TENM2: variants seen among roughly 807,000 people sequenced by gnomAD.
The protein encoded by TENM2 is teneurin transmembrane protein 2, also known as teneurin-2.
Under a neutral mutation model 245.2 loss-of-function variants are expected in TENM2, and 52 were observed. The observed-to-expected ratio is 0.21, with a 90% CI of 0.17 to 0.27. The LOEUF (loss-of-function observed/expected upper bound fraction) is 0.27, where lower values mean the gene tolerates loss of function less well. Among genes scored for constraint, TENM2 ranks in the 10% least tolerant of loss-of-function variants. TENM2 has a pLI of 1.00. For synonymous variants in TENM2, 1,363 were observed against 1,438.9 expected (o/e 0.95, Z 1.19); for missense variants, 3,046 against 3,666.8 (o/e 0.83, Z 4.37).
chr5:167,549,580 A>G (rs1772797473), intron 2 of TENM2, among the ~76,000 whole-genome samples: 1 of 152,116 alleles, frequency 6.6e-6, no homozygotes, highest in Non-Finnish European at 1.5e-5. Flanking sequence ...AACAATGAGG[A>G]CCTAAAGTGT....
chr5:167,563,826 C>T (rs1773738586), intron 2 of TENM2, among the ~76,000 whole-genome samples: 1 of 152,176 alleles, frequency 6.6e-6, no homozygotes, highest in Non-Finnish European at 1.5e-5. Flanking sequence ...AGGACAGTAA[C>T]ATGCTGTACC....
Position 167,402,263 on chromosome 5 carries a change from T to A in TENM2, c.502+26790T>A, listed in dbSNP as rs183545197. On this transcript the variant is annotated intron_variant, in intron 2 of 28. Transcript: ENST00000518659. Reference sequence around the variant, plus strand: ...TGTTGTGGGATTATATAAGCTAATGTATTATATGAGCACTGCATCTTCCTT... The same window carrying A: ...TGTTGTGGGATTATATAAGCTAATGAATTATATGAGCACTGCATCTTCCTT... 1.8e-4 allele frequency among the ~76,000 whole-genome samples: 27 copies of A among 152,286 alleles called. 1 individual carries two copies. The highest frequency in any genetic ancestry group is 6.5e-4 in the African/African-American group (27 of 41,578).
chr5:167,228,943 G>T, the TENM2 span, among the ~76,000 whole-genome samples: 2 of 152,026 alleles, frequency 1.3e-5, no homozygotes, highest in East Asian at 3.9e-4. Context: ...CTTGTGATCC[G>T]CCCACCTCGC....
At chr5:167,297,238 G>A (rs1190895043) in intron 1 of TENM2, among the ~76,000 whole-genome samples, 2 of 152,146 alleles carry the variant, frequency 1.3e-5, no homozygotes, top group East Asian at 1.9e-4. Context: ...GATTCTTCAG[G>A]GGTTTAGGTT....
chr5:167,952,674 G>A (rs766686457), exon 4 of TENM2: 6 of 1,611,212 alleles, frequency 3.7e-6, no homozygotes, highest in East Asian at 2.2e-5. Flanking sequence ...CCACTCGTCC[G>A]CCAACTCCCT....
chr5:167,548,769 C>A (rs1772739128), intron 2 of TENM2, among the ~76,000 whole-genome samples: 1 of 152,166 alleles, frequency 6.6e-6, no homozygotes, highest in South Asian at 2.1e-4. Context: ...CATACACACA[C>A]ACATGCACAG....
At chr5:167,364,975 A>G (rs1759955631) in intron 1 of TENM2, among the ~76,000 whole-genome samples, 1 of 152,092 alleles carries the variant, frequency 6.6e-6, no homozygotes, top group African/African-American at 2.4e-5. Context: ...AGACATTTAT[A>G]GGACACTACA....
intron 2 of TENM2, among the ~76,000 whole-genome samples, chr5:167,404,301 A>AG (rs796863690): frequency 2.0e-5 from 3 of 152,134 alleles, no homozygotes; most frequent in African/African-American, 7.2e-5. Flanking sequence ...CATTTCCCTG[A>AG]GAAAAAAACT....
intron 2 of TENM2, among the ~76,000 whole-genome samples, chr5:167,651,904 G>A (rs1453663847): frequency 6.6e-6 from 1 of 152,176 alleles, no homozygotes; most frequent in Admixed American, 6.6e-5. Context: ...CACCAGAAGA[G>A]AGTATAGCAC....
the TENM2 span, among the ~76,000 whole-genome samples, chr5:167,269,466 A>G: frequency 6.6e-6 from 1 of 152,012 alleles, no homozygotes; most frequent in Non-Finnish European, 1.5e-5. Flanking sequence ...GTCTCATGTC[A>G]TCATTGAAGC....
intron 4 of TENM2, among the ~76,000 whole-genome samples, chr5:167,953,090 C>T (rs1473813297): frequency 6.6e-6 from 1 of 152,166 alleles, no homozygotes; most frequent in Non-Finnish European, 1.5e-5. Flanking sequence ...ATTAGCATAA[C>T]ATATTTTTAC....
chr5:167,925,065 T>C (rs1347208986), intron 3 of TENM2, among the ~76,000 whole-genome samples: 2 of 152,224 alleles, frequency 1.3e-5, no homozygotes, highest in African/African-American at 2.4e-5. Context: ...ACTGTAGATT[T>C]ATGCGTGAAT....
At chr5:167,792,747 A>G (rs1174571854) in intron 2 of TENM2, among the ~76,000 whole-genome samples, 1 of 151,790 alleles carries the variant, frequency 6.6e-6, no homozygotes, top group Non-Finnish European at 1.5e-5. Flanking sequence ...AAAAAAAAAA[A>G]GGTGACTCAT....
At chr5:167,342,297 T>C (rs1015471643) in intron 1 of TENM2, among the ~76,000 whole-genome samples, 1 of 152,036 alleles carries the variant, frequency 6.6e-6, no homozygotes, top group African/African-American at 2.4e-5. Context: ...AGGAACTTTA[T>C]AGAATGTCCC....
chr5:167,948,470 A>AAGATAAACAT (rs1779817720), intron 3 of TENM2, among the ~76,000 whole-genome samples: 1 of 152,180 alleles, frequency 6.6e-6, no homozygotes, highest in Non-Finnish European at 1.5e-5. Context: ...CTATAAATTC[A>AAGATAAACAT]CTTATCATTT....
intron 2 of TENM2, among the ~76,000 whole-genome samples, chr5:167,600,446 T>C (rs1776560867): frequency 6.6e-6 from 1 of 152,118 alleles, no homozygotes; most frequent in Non-Finnish European, 1.5e-5. Context: ...AAAGAGAGTT[T>C]TAACATCCCC....
chr5:168,021,132 A>T (rs1256323567), intron 5 of TENM2, among the ~76,000 whole-genome samples: 1 of 152,144 alleles, frequency 6.6e-6, no homozygotes, highest in Non-Finnish European at 1.5e-5. Flanking sequence ...TGAAGTTTAG[A>T]TTTGTGCATG....
chr5:167,920,557 A>ACACACACACAC (rs1777294204), intron 3 of TENM2, among the ~76,000 whole-genome samples: 1 of 150,296 alleles, frequency 6.7e-6, no homozygotes, highest in Non-Finnish European at 1.5e-5. Context: ...ACACACACAC[A>ACACACACACAC]AATAGCATGG....
At chr5:167,352,899 T>C (rs532726256) in intron 1 of TENM2, among the ~76,000 whole-genome samples, 4 of 152,244 alleles carry the variant, frequency 2.6e-5, no homozygotes, top group Admixed American at 6.5e-5. Flanking sequence ...TTCTTTAAAG[T>C]CTCCCTGTCT....
Sources: gnomAD v4.1 joint callset for allele counts (sites outside exome capture counted in the v4.1 genomes callset) on GRCh38, gnomAD v4.1.1 for gene constraint, MANE v1.5 for transcripts, NCBI Gene and HGNC (gene_info 2026-07-23, HGNC 2026-07-21) for gene names.